The following KMO variants were observed in gnomAD, a reference collection of about 807,000 sequenced individuals.
The protein encoded by KMO is kynurenine 3-monooxygenase.
Under a neutral mutation model 57.8 loss-of-function variants are expected in KMO, and 24 were observed. The ratio of observed to expected loss-of-function variants is 0.42; its 90% confidence interval spans 0.30 to 0.58. KMO has a LOEUF of 0.58. Ranked by LOEUF, KMO falls within the 20% of genes least tolerant of loss-of-function variation. The pLI is 0.22. For missense variants in KMO, 483 were observed against 588.2 expected, an observed-to-expected ratio of 0.82 and a Z score of 1.85; for synonymous variants, 210 against 193.6, an observed-to-expected ratio of 1.08 and a Z score of -0.70.
chr1:241,535,174 AT>A (rs930982812), intron 1 of KMO, among the ~76,000 whole-genome samples: 2 of 152,152 alleles, frequency 1.3e-5, no homozygotes, highest in Non-Finnish European at 2.9e-5. Flanking sequence ...TTTTAAAAGT[AT>A]TGACTAAATA....
chr1:241,561,780 T>C (rs1480922873), intron 6 of KMO, among the ~76,000 whole-genome samples: 5 of 152,198 alleles, frequency 3.3e-5, no homozygotes, highest in Admixed American at 6.5e-5. Context: ...TCTTAAGCTT[T>C]TCTTCTAATA....
chr1:241,592,515 C>A lies in KMO; in HGVS notation c.*362C>A. The A allele has an allele frequency of 4.6e-6, 1 of 218,440 alleles. No individual in the cohort carries two copies. Among genetic ancestry groups the A allele is most frequent in the Non-Finnish European group, 9.1e-6 (1 of 110,082 alleles). 13.5% of individuals were successfully genotyped at this position (218,440 alleles called of 1,614,324 possible). A position where few individuals can be genotyped will look rare whatever the true frequency, so the allele number is the denominator to read the frequency against. On this transcript the variant is annotated 3_prime_UTR_variant, in exon 15 of 15. Coordinates refer to ENST00000366559, the MANE Select transcript of KMO (RefSeq NM_003679.5). ...AGGACTCGCAACAGCATTGACTCAACACCTAGGACTAAAAATCACAACTTA... is the reference window on the plus strand; with the variant it reads ...AGGACTCGCAACAGCATTGACTCAAAACCTAGGACTAAAAATCACAACTTA...
intron 1 of KMO, among the ~76,000 whole-genome samples, chr1:241,543,952 T>A (rs1253760598): frequency 4.6e-5 from 7 of 152,164 alleles, no homozygotes; most frequent in Admixed American, 2.0e-4. Context: ...TGGAATCAAT[T>A]TTCATCAAAG....
chr1:241,535,031 T>C (rs1323132870), intron 1 of KMO, among the ~76,000 whole-genome samples: 2 of 152,070 alleles, frequency 1.3e-5, no homozygotes, highest in Non-Finnish European at 2.9e-5. Flanking sequence ...TATTAACCAA[T>C]GTATTCCAGA....
At chr1:241,558,748 A>G (rs1288884093) in intron 5 of KMO, among the ~76,000 whole-genome samples, 1 of 148,564 alleles carries the variant, frequency 6.7e-6, no homozygotes, top group Non-Finnish European at 1.5e-5. Flanking sequence ...AGGCACGTGT[A>G]TACTTTTCCA....
At chr1:241,571,004 G>A (rs1662259526) in intron 10 of KMO, among the ~76,000 whole-genome samples, 1 of 151,848 alleles carries the variant, frequency 6.6e-6, no homozygotes, top group African/African-American at 2.4e-5. Flanking sequence ...TCACTTCTCT[G>A]GTTAATTCCC....
At chr1:241,563,092 T>C (rs186656970) in intron 7 of KMO, among the ~76,000 whole-genome samples, 72 of 152,370 alleles carry the variant, frequency 4.7e-4, no homozygotes, top group Middle Eastern at 3.4e-3. Flanking sequence ...CCAGAGTTCT[T>C]ATAACCATGA....
chr1:241,565,873 GAA>G (rs1039365713), intron 8 of KMO, among the ~76,000 whole-genome samples: 2 of 152,066 alleles, frequency 1.3e-5, no homozygotes, highest in African/African-American at 4.8e-5. Context: ...CTAAAAGGAA[GAA>G]AAAGAGATGT....
Position 241,551,243 on chromosome 1 carries a change from A to C in KMO, c.312+199A>C, listed in dbSNP as rs137925290. Among the ~76,000 whole-genome samples, 576 of 152,336 alleles carry C rather than the reference A, an allele frequency of 3.8e-3. 2 individuals carry two copies. The highest frequency in any genetic ancestry group is 0.014 in the African/African-American group (566 of 41,578). On this transcript the variant is annotated intron_variant, in intron 4 of 14. Coordinates refer to ENST00000366559, the MANE Select transcript of KMO (RefSeq NM_003679.5). ...AAACAAGCCCCAGCCCAGAATAAAC[A>C]TTCAGGAAGAATTAGCTGTTACTGC... is the stretch of plus-strand genomic sequence containing the variant.
At chr1:241,549,884 C>T (rs1475490883) in intron 3 of KMO, 110 bp downstream of exon 3, 1 of 719,946 alleles carries the variant, frequency 1.4e-6, no homozygotes, top group African/African-American at 1.8e-5. Flanking sequence ...AGAATCTCTG[C>T]ATGAAAACTC....
chr1:241,551,055 C>T lies in KMO; in HGVS notation c.312+11C>T, dbSNP rs537333215. The stretch of plus-strand genomic sequence containing the variant: ...GGGACAAAGTCTCAGGTAGGTTTAC[C>T]CCGGAGATCATTGTGCATTGATTAT... On this transcript the variant is annotated intron_variant, in intron 4 of 14. Transcript: ENST00000366559. The T allele has an allele frequency of 8.4e-6, 12 of 1,432,196 alleles. No individual in the cohort carries two copies. In the Admixed American group the frequency reaches 2.0e-4, roughly 24 times the overall value. 88.7% of individuals were successfully genotyped at this position (1,432,196 alleles called of 1,614,324 possible). A position where few individuals can be genotyped will look rare whatever the true frequency, so the allele number is the denominator to read the frequency against.
At chr1:241,549,956 C>T in intron 3 of KMO, 182 bp downstream of exon 3, 1 of 539,364 alleles carries the variant, frequency 1.9e-6, no homozygotes, top group Non-Finnish European at 3.3e-6. Context: ...ACACTCGAGG[C>T]ACCCGAGGAG....
At position 241,592,740 on chromosome 1, in the gene KMO, T is replaced by TATCTATCTATCTATC. The variant is rs1297388461; in HGVS notation, c.*603_*617dup. On this transcript the variant is annotated 3_prime_UTR_variant, in exon 15 of 15. Coordinates refer to ENST00000366559, the MANE Select transcript of KMO (RefSeq NM_003679.5). ...GTTTATCGTCTATCTATCTATCATCTATCTATCTATCTATCATCTATCTAT... is the reference window on the plus strand; with the variant it reads ...GTTTATCGTCTATCTATCTATCATCTATCTATCTATCTATCATCTATCTATCTATCATCTATCTAT... The TATCTATCTATCTATC allele has an allele frequency of 1.5e-4, 22 of 151,454 alleles. No homozygotes were observed. Among genetic ancestry groups the TATCTATCTATCTATC allele is most frequent in the African/African-American group, 5.3e-4 (21 of 39,762 alleles). The allele number at this position is 151,454 out of a possible 1,614,324, so 9.4% of individuals were successfully genotyped here.
rs1014492428 is a variant in KMO, at chr1:241,566,562, G to C, written c.759G>C (p.Val253=). Residue 253 remains valine (V), a synonymous_variant, in exon 9 of 15, where the codon GTG becomes GTC. Transcript: ENST00000366559. ...AAAAACTTCTAACCAGTAATGATGT[G>C]GTAGATTTCTTCCAGAAATACTTTC... ...EFEKLLTSND[V]VDFFQKYFPD... 2 of 1,613,446 alleles carry C rather than the reference G, an allele frequency of 1.2e-6. No individual in the cohort carries two copies. The highest frequency in any genetic ancestry group is 1.7e-6 in the Non-Finnish European group (2 of 1,179,512).
chr1:241,583,909 A>G (rs1314507310), intron 10 of KMO, among the ~76,000 whole-genome samples: 1 of 152,214 alleles, frequency 6.6e-6, no homozygotes, highest in African/African-American at 2.4e-5. Context: ...TTTTCTAGGC[A>G]CTATGCATAA....
chr1:241,538,186 G>C lies in KMO; in HGVS notation c.54+5688G>C, dbSNP rs114872684. Among the ~76,000 whole-genome samples the C allele has an allele frequency of 5.6e-3, 850 of 152,276 alleles. 9 individuals carry two copies. The highest frequency in any genetic ancestry group is 0.019 in the African/African-American group (809 of 41,566). ...CAGAAAATGGTGGCATTAGCATGCT[G>C]TGAAGGTGAGGTTTTTGGCCTTCTG... On this transcript the variant is annotated intron_variant, in intron 1 of 14. Transcript: ENST00000366559.
chr1:241,546,305 G>A (rs945166313), intron 1 of KMO, among the ~76,000 whole-genome samples: 10 of 152,256 alleles, frequency 6.6e-5, no homozygotes, highest in Admixed American at 6.5e-4. Flanking sequence ...TTCTACTGAA[G>A]TCCTCAGCCT....
At chr1:241,579,883 A>G (rs1662685038) in intron 10 of KMO, among the ~76,000 whole-genome samples, 1 of 152,164 alleles carries the variant, frequency 6.6e-6, no homozygotes, top group South Asian at 2.1e-4. Flanking sequence ...GCAGACTTCC[A>G]TGAGGTTCCC....
rs895482433 is a variant in KMO at position 241,565,192 on chromosome 1, A to C, written c.687+134A>C. 6.9e-6 allele frequency: 4 copies of C among 578,404 alleles called. No homozygotes were observed. In the African/African-American group the frequency reaches 7.8e-5, roughly 11 times the overall value. The allele number at this position is 578,404 out of a possible 1,614,324, so 35.8% of individuals were successfully genotyped here. ...AATCCATTTAGTGATTATAGCTTTG[A>C]AACTTTGGGATTACTGAGGAAAAAT... On this transcript the variant is annotated intron_variant, in intron 8 of 14. Coordinates refer to ENST00000366559, the MANE Select transcript of KMO (RefSeq NM_003679.5).
Sources: gnomAD v4.1 joint callset for allele counts (sites outside exome capture counted in the v4.1 genomes callset) on GRCh38, gnomAD v4.1.1 for gene constraint, MANE v1.5 for transcripts, NCBI Gene and HGNC (gene_info 2026-07-23, HGNC 2026-07-21) for gene names.